The following YPEL5 variants were observed in gnomAD, a reference collection of about 807,000 sequenced individuals.
YPEL5 encodes yippee like 5.
A neutral mutation model predicts 10.5 loss-of-function variants in YPEL5; 1 was observed. That is an observed-to-expected ratio of 0.10 (90% confidence interval 0.03 to 0.45). The LOEUF (loss-of-function observed/expected upper bound fraction) is 0.45. YPEL5 is among the 20% of genes least tolerant of loss of function. YPEL5 has a pLI of 0.97. For synonymous variants in YPEL5, 61 were observed against 56.6 expected (o/e 1.08, Z -0.35); for missense variants, 68 against 159.3 (o/e 0.43, Z 3.09).
chr2:30,149,295 T>A (rs1405848592), intron 1 of YPEL5, among the ~76,000 whole-genome samples: 2 of 152,168 alleles, frequency 1.3e-5, no homozygotes, highest in Non-Finnish European at 2.9e-5. Context: ...AACAAAAATA[T>A]ATCCTTAAAA....
intron 1 of YPEL5, among the ~76,000 whole-genome samples, chr2:30,150,067 TA>T (rs1675712374): frequency 6.6e-6 from 1 of 152,198 alleles, no homozygotes; most frequent in South Asian, 2.1e-4. Context: ...GGACAACAAG[TA>T]CCTATTTTAA....
chr2:30,155,185 G>T (rs542228469), intron 1 of YPEL5, among the ~76,000 whole-genome samples: 2 of 152,318 alleles, frequency 1.3e-5, no homozygotes, highest in African/African-American at 4.8e-5. Context: ...TTAGTGCAAG[G>T]TTCATTGTGA....
Position 30,156,635 on chromosome 2 carries a change from G to A in YPEL5, c.-17G>A. ...TTTTCTATTTGCTCCTAGGTTTTTA[G>A]AACTTCAGCCATAAAAATGGGCAGA... On this transcript the variant is annotated 5_prime_UTR_variant, in exon 2 of 3. Coordinates refer to ENST00000261353, the MANE Select transcript of YPEL5 (RefSeq NM_016061.3). 1 of 1,613,152 alleles carries A rather than the reference G, an allele frequency of 6.2e-7. No homozygotes were observed. The highest frequency in any genetic ancestry group is 1.1e-5 in the South Asian group (1 of 91,020).
intron 1 of YPEL5, among the ~76,000 whole-genome samples, chr2:30,154,220 A>G (rs144166887): frequency 5.9e-5 from 9 of 152,382 alleles, no homozygotes; most frequent in African/African-American, 2.2e-4. Flanking sequence ...TCTGAGGCCT[A>G]TACCTCAACG....
chr2:30,148,650 A>T (rs1675633920), intron 1 of YPEL5: 1 of 152,282 alleles, frequency 6.6e-6, no homozygotes, highest in African/African-American at 2.4e-5. Flanking sequence ...ATGAGACGTT[A>T]GTAAAATATA....
intron 1 of YPEL5, among the ~76,000 whole-genome samples, chr2:30,150,713 A>AT (rs1040568553): frequency 1.3e-5 from 2 of 152,154 alleles, no homozygotes; most frequent in African/African-American, 2.4e-5. Flanking sequence ...CCAAGTTTCC[A>AT]TTTTTTCTGG....
rs1572764357 is a variant in YPEL5, at chr2:30,159,361, T to C, written c.*518T>C. ...TGCTGGCCGGTGTGCCATATTCTTG[T>C]TGGAGATGAACCGTAGCACCAGAGC... On this transcript the variant is annotated 3_prime_UTR_variant, in exon 3 of 3. Coordinates refer to ENST00000261353, the MANE Select transcript of YPEL5 (RefSeq NM_016061.3). The C allele has an allele frequency of 6.5e-6, 1 of 154,244 alleles. No individual in the cohort carries two copies. The highest frequency in any genetic ancestry group is 2.0e-4 in the South Asian group (1 of 4,956). The allele number at this position is 154,244 out of a possible 1,614,324, so 9.6% of individuals were successfully genotyped here. A position where few individuals can be genotyped will look rare whatever the true frequency, so the allele number is the denominator to read the frequency against.
intron 1 of YPEL5, among the ~76,000 whole-genome samples, chr2:30,148,940 A>T (rs978412262): frequency 1.3e-5 from 2 of 152,246 alleles, no homozygotes; most frequent in Non-Finnish European, 2.9e-5. Flanking sequence ...GTCAGTTTTA[A>T]GATAATCCTG....
chr2:30,148,221 T>G (rs1441782710), intron 1 of YPEL5: 2 of 152,244 alleles, frequency 1.3e-5, no homozygotes, highest in South Asian at 4.1e-4. Flanking sequence ...AGCTCATTTA[T>G]TTTTAAACTT....
At chr2:30,151,330 T>A (rs1054576507) in intron 1 of YPEL5, among the ~76,000 whole-genome samples, 2 of 151,954 alleles carry the variant, frequency 1.3e-5, no homozygotes, top group Admixed American at 6.6e-5. Context: ...AAAAAAAAAA[T>A]TCTGTAACAA....
intron 1 of YPEL5, among the ~76,000 whole-genome samples, chr2:30,152,180 AAAAT>A (rs1675828586): frequency 1.3e-5 from 2 of 152,330 alleles, no homozygotes; most frequent in Admixed American, 6.5e-5. Flanking sequence ...TTCTTTTTAA[AAAAT>A]AACCTGCAAT....
intron 1 of YPEL5, chr2:30,147,809 G>T (rs1206198980): frequency 2.6e-5 from 4 of 153,222 alleles, no homozygotes; most frequent in African/African-American, 9.7e-5. Flanking sequence ...CCGCTCAGCT[G>T]TTTCCTGCTC....
At chr2:30,153,134 G>A (rs758012138) in intron 1 of YPEL5, among the ~76,000 whole-genome samples, 10 of 152,020 alleles carry the variant, frequency 6.6e-5, no homozygotes, top group African/African-American at 9.7e-5. Flanking sequence ...ATCTCCTGAC[G>A]TCGTGATCCG....
Position 30,159,360 on chromosome 2 carries a change from G to A in YPEL5, c.*517G>A, listed in dbSNP as rs1468789382. 1 of 154,038 alleles carries A rather than the reference G, an allele frequency of 6.5e-6. No individual in the cohort carries two copies. 9.5% of individuals were successfully genotyped at this position (154,038 alleles called of 1,614,324 possible). ...GTGCTGGCCGGTGTGCCATATTCTTGTTGGAGATGAACCGTAGCACCAGAG... is the reference window on the plus strand; with the variant it reads ...GTGCTGGCCGGTGTGCCATATTCTTATTGGAGATGAACCGTAGCACCAGAG... On this transcript the variant is annotated 3_prime_UTR_variant, in exon 3 of 3. Coordinates refer to ENST00000261353, the MANE Select transcript of YPEL5 (RefSeq NM_016061.3).
At chr2:30,147,206 G>A (rs1675451131) in intron 1 of YPEL5, 144 bp downstream of exon 1, 1 of 152,150 alleles carries the variant, frequency 6.6e-6, no homozygotes, top group African/African-American at 2.4e-5. Flanking sequence ...GCTCTTCCCG[G>A]GGTCCCAGAG....
chr2:30,149,406 C>A lies in YPEL5; in HGVS notation c.-25+2344C>A, dbSNP rs143962015. On this transcript the variant is annotated intron_variant, in intron 1 of 2. Transcript: ENST00000261353. ...AGAGGAAAGCAGAGCTTGCTTGTGT[C>A]ACTGAAAACTTAGCTTGTTATATAT... 2.0e-5 allele frequency among the ~76,000 whole-genome samples: 3 copies of A among 152,268 alleles called. No homozygotes were observed. In the East Asian group the frequency reaches 5.8e-4, roughly 29 times the overall value.
chr2:30,153,340 C>G lies in YPEL5; in HGVS notation c.-24-3288C>G, dbSNP rs1311107831. On this transcript the variant is annotated intron_variant, in intron 1 of 2. Transcript: ENST00000261353. ...GGAAGTCCAACATAAGATTCAATGT[C>G]TGTTGATGGTACCTTTTAGCTTCGT... Among the ~76,000 whole-genome samples, 6 of 152,194 alleles carry G rather than the reference C, an allele frequency of 3.9e-5. No homozygotes were observed. The South Asian group carries it at 1.2e-3, about 31-fold the overall frequency.
chr2:30,150,337 T>G (rs926957258), intron 1 of YPEL5, among the ~76,000 whole-genome samples: 2 of 152,240 alleles, frequency 1.3e-5, no homozygotes, highest in African/African-American at 4.8e-5. Flanking sequence ...CAGAATACAG[T>G]ATCTCCACTT....
At chr2:30,151,901 C>T (rs2103510377) in intron 1 of YPEL5, among the ~76,000 whole-genome samples, 1 of 152,284 alleles carries the variant, frequency 6.6e-6, no homozygotes, top group Non-Finnish European at 1.5e-5. Flanking sequence ...TAAGTCCAAG[C>T]AAGGTGATTA....
Sources: gnomAD v4.1 joint callset for allele counts (sites outside exome capture counted in the v4.1 genomes callset) on GRCh38, gnomAD v4.1.1 for gene constraint, MANE v1.5 for transcripts, NCBI Gene and HGNC (gene_info 2026-07-23, HGNC 2026-07-21) for gene names.